CENPW: variants seen among roughly 807,000 people sequenced by gnomAD.
CENPW encodes the protein centromere protein W, also known as cancer-up-regulated gene 2 protein.
In CENPW, 3 loss-of-function variants were observed where a neutral mutation model predicts 11.1. The ratio of observed to expected loss-of-function variants is 0.27; its 90% CI spans 0.12 to 0.70. The LOEUF is 0.70. Ranked by LOEUF, CENPW falls within the 30% of genes least tolerant of loss-of-function variation. The probability of loss-of-function intolerance (pLI) is 0.77; values close to 1 mark genes in which losing one functional copy is unlikely to be tolerated. For synonymous variants in CENPW, 38 were observed against 42.0 expected (o/e 0.91, Z 0.37); for missense variants, 100 against 105.6 (o/e 0.95, Z 0.23).
chr6:126,377,426 G>A, the CENPW span, among the ~76,000 whole-genome samples: 1 of 152,164 alleles, frequency 6.6e-6, no homozygotes, highest in Non-Finnish European at 1.5e-5. Context: ...AAAATATAGT[G>A]GCAGACAAGT....
chr6:126,477,536 A>T, the CENPW span, among the ~76,000 whole-genome samples: 1 of 151,968 alleles, frequency 6.6e-6, no homozygotes, highest in South Asian at 2.1e-4. Context: ...TAATTCTCAC[A>T]TACTCTGTGA....
chr6:126,436,274 T>G, the CENPW span, among the ~76,000 whole-genome samples: 1 of 151,892 alleles, frequency 6.6e-6, no homozygotes, highest in Non-Finnish European at 1.5e-5. Context: ...TTTGTAAAGC[T>G]GAGTAATCAA....
the CENPW span, among the ~76,000 whole-genome samples, chr6:126,450,948 A>G: frequency 1.3e-5 from 2 of 151,000 alleles, no homozygotes; most frequent in Non-Finnish European, 3.0e-5. Context: ...AAAATGAGAT[A>G]TATAAAAAAC....
At chr6:126,384,086 G>T in the CENPW span, among the ~76,000 whole-genome samples, 226 of 152,166 alleles carry the variant, frequency 1.5e-3, no homozygotes, top group African/African-American at 5.4e-3. Flanking sequence ...TAGAATTCAA[G>T]ACGAAGAAAA....
At chr6:126,391,496 T>C in the CENPW span, among the ~76,000 whole-genome samples, 2 of 152,110 alleles carry the variant, frequency 1.3e-5, no homozygotes, top group South Asian at 4.1e-4. Flanking sequence ...TTTGTTCATT[T>C]TTGCTTTGGT....
chr6:126,352,492 T>C (rs1780502860), downstream of CENPW, among the ~76,000 whole-genome samples: 1 of 152,132 alleles, frequency 6.6e-6, no homozygotes, highest in South Asian at 2.1e-4. Context: ...AACAACTATT[T>C]ACATTGTTTT....
chr6:126,443,978 T>C, the CENPW span, among the ~76,000 whole-genome samples: 2 of 151,092 alleles, frequency 1.3e-5, no homozygotes, highest in South Asian at 4.2e-4. Flanking sequence ...TCCTTGAGAC[T>C]CTCAAATATA....
At chr6:126,439,024 C>G in the CENPW span, among the ~76,000 whole-genome samples, 1 of 151,580 alleles carries the variant, frequency 6.6e-6, no homozygotes, top group Non-Finnish European at 1.5e-5. Flanking sequence ...GTTATGCTTA[C>G]AAGGAGAAAA....
chr6:126,437,811 A>T, the CENPW span, among the ~76,000 whole-genome samples: 1 of 151,782 alleles, frequency 6.6e-6, no homozygotes, highest in African/African-American at 2.4e-5. Context: ...TGTTCGGTTT[A>T]TAATGCTAAT....
At chr6:126,361,957 C>T in the CENPW span, among the ~76,000 whole-genome samples, 1 of 152,180 alleles carries the variant, frequency 6.6e-6, no homozygotes, top group Non-Finnish European at 1.5e-5. Context: ...TGGCTTAGGG[C>T]TGGGCTCTGG....
chr6:126,391,330 C>T, the CENPW span, among the ~76,000 whole-genome samples: 1 of 151,728 alleles, frequency 6.6e-6, no homozygotes, highest in African/African-American at 2.4e-5. Flanking sequence ...GATTTTTTTC[C>T]TACTGAATTG....
chr6:126,410,763 T>G, the CENPW span, among the ~76,000 whole-genome samples: 1 of 151,990 alleles, frequency 6.6e-6, no homozygotes, highest in Non-Finnish European at 1.5e-5. Context: ...TTAATTAAGT[T>G]TGCTGTTGGG....
chr6:126,478,132 T>C, the CENPW span, among the ~76,000 whole-genome samples: 1 of 152,034 alleles, frequency 6.6e-6, no homozygotes, highest in African/African-American at 2.4e-5. Context: ...CAGGATTTCT[T>C]CTTCCTTATT....
Position 126,347,022 on chromosome 6 carries a change from A to G in CENPW, c.240+704A>G, listed in dbSNP as rs1479321074. On this transcript the variant is annotated intron_variant, in intron 2 of 2. Coordinates refer to ENST00000368328, the MANE Select transcript of CENPW (RefSeq NM_001012507.4). ...CTGTTATTTTTATATAATGTTAAGA[A>G]TATGTTGCCTACGGTGCAGTTTTCC... Among the ~76,000 whole-genome samples, 6 of 152,328 alleles carry G rather than the reference A, an allele frequency of 3.9e-5. No individual in the cohort carries two copies. The East Asian group carries it at 1.2e-3, about 29-fold the overall frequency.
intron 1 of CENPW, among the ~76,000 whole-genome samples, chr6:126,342,121 C>T (rs1307911031): frequency 6.6e-6 from 1 of 152,086 alleles, no homozygotes; most frequent in Non-Finnish European, 1.5e-5. Context: ...TCATATCTTA[C>T]CCAGTTCAAT....
At chr6:126,434,791 G>T in the CENPW span, among the ~76,000 whole-genome samples, 1 of 152,006 alleles carries the variant, frequency 6.6e-6, no homozygotes, top group Non-Finnish European at 1.5e-5. Flanking sequence ...CAGTTGACCA[G>T]TCTGTTTCTG....
the CENPW span, among the ~76,000 whole-genome samples, chr6:126,359,022 T>C: frequency 6.6e-6 from 1 of 151,872 alleles, no homozygotes; most frequent in African/African-American, 2.4e-5. Context: ...CAAAGTTAGA[T>C]AGTTAATCTG....
chr6:126,425,719 T>C, the CENPW span, among the ~76,000 whole-genome samples: 2 of 151,902 alleles, frequency 1.3e-5, no homozygotes, highest in Admixed American at 1.3e-4. Context: ...AAAAGTGAGA[T>C]AGCCACCAAA....
At chr6:126,457,401 G>T in the CENPW span, among the ~76,000 whole-genome samples, 3 of 151,494 alleles carry the variant, frequency 2.0e-5, no homozygotes, top group South Asian at 6.2e-4. Context: ...ACGAGATCAC[G>T]TCTTTGCAGC....
Sources: allele counts gnomAD v4.1 joint callset (sites outside exome capture counted in the v4.1 genomes callset), GRCh38; gene constraint gnomAD v4.1.1; transcripts MANE v1.5; gene names NCBI Gene and HGNC (gene_info 2026-07-23, HGNC 2026-07-21).